The following FOXP1 variants were observed in gnomAD, a reference collection of about 807,000 sequenced individuals.
FOXP1 encodes forkhead box protein P1.
Under a neutral mutation model 98.2 loss-of-function variants are expected in FOXP1, and 15 were observed. That is an observed-to-expected ratio of 0.15 (90% CI 0.10 to 0.24). The LOEUF (loss-of-function observed/expected upper bound fraction) is 0.24, where lower values mean the gene tolerates loss of function less well. FOXP1 is among the 10% of genes least tolerant of loss of function. The pLI, the probability that FOXP1 is intolerant of heterozygous loss-of-function variation, is 1.00. For missense variants in FOXP1, 633 were observed against 848.5 expected (o/e 0.75, Z 3.15); for synonymous variants, 371 against 314.5 (o/e 1.18, Z -1.90).
At chr3:71,145,852 T>C (rs1182678527) in intron 6 of FOXP1, among the ~76,000 whole-genome samples, 3 of 152,222 alleles carry the variant, frequency 2.0e-5, no homozygotes, top group Non-Finnish European at 4.4e-5. Context: ...TTGTTTTGTA[T>C]TATAGAGTTT....
At chr3:71,022,630 C>G (rs1205883199) in intron 11 of FOXP1, among the ~76,000 whole-genome samples, 1 of 152,146 alleles carries the variant, frequency 6.6e-6, no homozygotes, top group Non-Finnish European at 1.5e-5. Context: ...CACTATTTCC[C>G]TATAGGAATG....
At chr3:71,580,506 C>A (rs13073703) in intron 2 of FOXP1, among the ~76,000 whole-genome samples, 4,064 of 152,178 alleles carry the variant, frequency 0.027, 97 homozygotes, top group Non-Finnish European at 0.044. Context: ...CAGTGGAATT[C>A]TAAAAAAGAT....
intron 3 of FOXP1, among the ~76,000 whole-genome samples, chr3:71,384,403 C>G (rs11714415): frequency 0.43 from 64,648 of 151,988 alleles, 14,718 homozygotes; most frequent in African/African-American, 0.51. Context: ...GCAACGGAAA[C>G]AAGGAATATC....
intron 11 of FOXP1, among the ~76,000 whole-genome samples, chr3:71,033,300 A>C (rs188064367): frequency 2.0e-5 from 3 of 152,296 alleles, no homozygotes; most frequent in East Asian, 3.9e-4. Context: ...TTTGGGTGGG[A>C]AATCTGGCAC....
At chr3:71,145,821 C>T (rs1226346464) in intron 6 of FOXP1, among the ~76,000 whole-genome samples, 2 of 152,078 alleles carry the variant, frequency 1.3e-5, no homozygotes, top group Admixed American at 6.5e-5. Flanking sequence ...AGTCTCTTGC[C>T]TCTTTTTAAA....
chr3:71,120,519 G>A lies in FOXP1; in HGVS notation c.181-7882C>T, dbSNP rs193156487. ...AAGTTTATGAGACAATGTCAAGATA[G>A]GCATGGAGAAAAATCAGAGCAGAGA... is the stretch of plus-strand genomic sequence containing the variant. On this transcript the variant is annotated intron_variant, in intron 6 of 20. Transcript: ENST00000649528. Among the ~76,000 whole-genome samples, 19 of 152,324 alleles carry A rather than the reference G, an allele frequency of 1.2e-4. No homozygotes were observed. In the East Asian group the frequency reaches 3.3e-3, roughly 26 times the overall value.
intron 19 of FOXP1, among the ~76,000 whole-genome samples, chr3:70,967,692 T>G (rs2035175809): frequency 8.3e-6 from 1 of 120,034 alleles, no homozygotes; most frequent in East Asian, 2.5e-4. Flanking sequence ...TATTTGTTTT[T>G]TTTTTTTGTT....
chr3:71,005,673 G>C (rs2042722559), intron 12 of FOXP1, among the ~76,000 whole-genome samples: 1 of 152,042 alleles, frequency 6.6e-6, no homozygotes, highest in Non-Finnish European at 1.5e-5. Flanking sequence ...TGTACCTCTT[G>C]TTTATCACCA....
intron 3 of FOXP1, among the ~76,000 whole-genome samples, chr3:71,417,478 G>A (rs570377020): frequency 6.6e-6 from 1 of 152,254 alleles, no homozygotes; most frequent in East Asian, 1.9e-4. Context: ...CAGATGCTAA[G>A]GATGGCAGAG....
intron 17 of FOXP1, among the ~76,000 whole-genome samples, chr3:70,976,296 C>T (rs2037510769): frequency 6.6e-6 from 1 of 152,140 alleles, no homozygotes; most frequent in African/African-American, 2.4e-5. Context: ...TCAAGTGATC[C>T]TCTTGCCTTA....
intron 3 of FOXP1, among the ~76,000 whole-genome samples, chr3:71,388,481 A>G (rs963354867): frequency 6.6e-6 from 1 of 150,418 alleles, no homozygotes; most frequent in Non-Finnish European, 1.5e-5. Context: ...ACATCAGAAA[A>G]CATAAGAATT....
intron 2 of FOXP1, among the ~76,000 whole-genome samples, chr3:71,558,891 C>G (rs938771190): frequency 6.6e-6 from 1 of 151,286 alleles, no homozygotes; most frequent in East Asian, 1.9e-4. Context: ...CAACCTCTGC[C>G]TCCCGGGTTC....
chr3:71,112,472 C>T (rs1452402362), intron 7 of FOXP1, 64 bp downstream of exon 7: 34 of 1,292,884 alleles, frequency 2.6e-5, no homozygotes, highest in Non-Finnish European at 2.2e-6. Flanking sequence ...CAATCCACTC[C>T]TGAACTGCTT....
At chr3:71,284,812 C>G (rs2071938537) in intron 5 of FOXP1, among the ~76,000 whole-genome samples, 1 of 151,578 alleles carries the variant, frequency 6.6e-6, no homozygotes, top group African/African-American at 2.4e-5. Context: ...ATGGCTACAA[C>G]TTTGTCAACT....
intron 3 of FOXP1, among the ~76,000 whole-genome samples, chr3:71,403,425 G>A (rs1324706825): frequency 6.6e-6 from 1 of 152,232 alleles, no homozygotes; most frequent in Non-Finnish European, 1.5e-5. Context: ...GAAAAACAAG[G>A]GAACTGTTTC....
intron 5 of FOXP1, among the ~76,000 whole-genome samples, chr3:71,213,447 T>G (rs992489414): frequency 6.6e-6 from 1 of 151,410 alleles, no homozygotes; most frequent in Non-Finnish European, 1.5e-5. Flanking sequence ...TCTGAAAGAG[T>G]TTTTTCAAAA....
chr3:71,228,538 C>T (rs1023868536), intron 5 of FOXP1, among the ~76,000 whole-genome samples: 1 of 152,180 alleles, frequency 6.6e-6, no homozygotes, highest in Non-Finnish European at 1.5e-5. Flanking sequence ...GCGTCCCACT[C>T]ATAAAGCAGC....
intron 5 of FOXP1, among the ~76,000 whole-genome samples, chr3:71,282,169 C>A (rs2071640913): frequency 6.6e-6 from 1 of 151,900 alleles, no homozygotes; most frequent in African/African-American, 2.4e-5. Context: ...TGGTACCACA[C>A]CTTACTCTCT....
intron 12 of FOXP1, among the ~76,000 whole-genome samples, chr3:71,004,760 G>A (rs1248344235): frequency 1.3e-5 from 2 of 152,086 alleles, no homozygotes; most frequent in Admixed American, 1.3e-4. Context: ...TGAATGCAAT[G>A]GATTTCAAAT....
Sources: gnomAD v4.1 joint callset for allele counts (sites outside exome capture counted in the v4.1 genomes callset) on GRCh38, gnomAD v4.1.1 for gene constraint, MANE v1.5 for transcripts, NCBI Gene and HGNC (gene_info 2026-07-23, HGNC 2026-07-21) for gene names.